Variants in TANGO2 observed in about 807,000 individuals in gnomAD.
TANGO2 encodes transport and golgi organization 2 homolog, also known as transport and Golgi organization protein 2 homolog.
In TANGO2, 26 loss-of-function variants were observed where a neutral mutation model predicts 39.1. That is an observed-to-expected ratio of 0.67 (90% confidence interval 0.49 to 0.92). TANGO2 has a LOEUF of 0.92. TANGO2 is among the 40% of genes least tolerant of loss of function. The pLI, the probability that TANGO2 is intolerant of heterozygous loss-of-function variation, is 0.00. For missense variants in TANGO2, 326 were observed against 360.1 expected (o/e 0.91, Z 0.77); for synonymous variants, 131 against 144.5 (o/e 0.91, Z 0.67).
At chr22:20,030,995 C>T (rs998282212) in intron 1 of TANGO2, among the ~76,000 whole-genome samples, 2 of 151,834 alleles carry the variant, frequency 1.3e-5, no homozygotes, top group African/African-American at 2.4e-5. Flanking sequence ...GTCAGGAGAT[C>T]GAGACCATCC....
chr22:20,042,468 A>C (rs1267350951), intron 2 of TANGO2, among the ~76,000 whole-genome samples: 1 of 152,194 alleles, frequency 6.6e-6, no homozygotes, highest in Non-Finnish European at 1.5e-5. Flanking sequence ...TTCCAAAAGA[A>C]ATATTTGTTT....
chr22:20,039,002 A>G (rs7288316), intron 2 of TANGO2, among the ~76,000 whole-genome samples: 50,065 of 151,078 alleles, frequency 0.33, 8,988 homozygotes, highest in East Asian at 0.65. Flanking sequence ...GTACAGTGGT[A>G]TGATCATAGC....
intron 6 of TANGO2, chr22:20,056,787 G>A (rs1184845454): frequency 4.4e-6 from 2 of 456,656 alleles, no homozygotes; most frequent in East Asian, 6.9e-5. Context: ...AGGGACCATA[G>A]CCTAGGTTCC....
intron 1 of TANGO2, among the ~76,000 whole-genome samples, chr22:20,032,726 G>A (rs1000298392): frequency 2.0e-4 from 31 of 152,176 alleles, no homozygotes; most frequent in African/African-American, 7.0e-4. Context: ...TGGCCAATTC[G>A]GGCAACCTTG....
rs770978875 is a variant in TANGO2, at chr22:20,036,730, G to A, written c.-39-30G>A. On this transcript the variant is annotated intron_variant, in intron 1 of 8. Coordinates refer to ENST00000327374, the MANE Select transcript of TANGO2 (RefSeq NM_152906.7). ...GGGCAGCCCTGAGTGTCTGCCATCC[G>A]CTCAACTCAGTGTTTTCCTTTTCCC... The A allele has an allele frequency of 1.1e-4, 170 of 1,594,772 alleles. 1 individual carries two copies. The highest frequency in any genetic ancestry group is 1.4e-4 in the Non-Finnish European group (166 of 1,162,946).
chr22:20,027,969 T>C (rs2041108732), intron 1 of TANGO2, among the ~76,000 whole-genome samples: 1 of 152,130 alleles, frequency 6.6e-6, no homozygotes, highest in African/African-American at 2.4e-5. Context: ...TGGCTAATTT[T>C]TGTATTTTTA....
intron 4 of TANGO2, 54 bp from the exon 5 acceptor site, chr22:20,053,383 G>A: frequency 7.6e-7 from 1 of 1,308,346 alleles, no homozygotes; most frequent in Non-Finnish European, 1.1e-6. Flanking sequence ...AGTGTTCCTG[G>A]GAGAAGAGCA....
At chr22:20,060,983 T>A (rs2048279748) in intron 6 of TANGO2, among the ~76,000 whole-genome samples, 1 of 152,202 alleles carries the variant, frequency 6.6e-6, no homozygotes, top group Non-Finnish European at 1.5e-5. Flanking sequence ...GTTCAGAGTC[T>A]GTGCAGAGCC....
At chr22:20,056,379 C>T (rs2047349767) in intron 6 of TANGO2, 1 of 503,020 alleles carries the variant, frequency 2.0e-6, no homozygotes, top group Non-Finnish European at 3.9e-6. Flanking sequence ...GGGTTCTTGC[C>T]TGGTCTGCTC....
intron 2 of TANGO2, among the ~76,000 whole-genome samples, chr22:20,042,802 G>T (rs2044224258): frequency 6.6e-6 from 1 of 152,090 alleles, no homozygotes; most frequent in Non-Finnish European, 1.5e-5. Context: ...ATATTTGTTT[G>T]ATTCATAATG....
chr22:20,053,240 GAGC>G (rs1018155689), intron 4 of TANGO2, 194 bp from the exon 5 acceptor site: 1 of 533,522 alleles, frequency 1.9e-6, no homozygotes, highest in Non-Finnish European at 3.4e-6. Flanking sequence ...TTAATAAAAT[GAGC>G]AGTTTTCAGT....
At chr22:20,045,654 C>G (rs1001805435) in intron 3 of TANGO2, among the ~76,000 whole-genome samples, 2 of 151,904 alleles carry the variant, frequency 1.3e-5, no homozygotes, top group Non-Finnish European at 2.9e-5. Flanking sequence ...CAGGCATGCA[C>G]CACCACACCA....
At chr22:20,040,638 C>A (rs534406050) in intron 2 of TANGO2, among the ~76,000 whole-genome samples, 19 of 152,298 alleles carry the variant, frequency 1.2e-4, no homozygotes, top group African/African-American at 4.6e-4. Flanking sequence ...TTCTCCTGCC[C>A]GCTGGCCAGG....
intron 2 of TANGO2, among the ~76,000 whole-genome samples, chr22:20,039,016 C>T (rs1384605207): frequency 1.3e-5 from 2 of 151,714 alleles, no homozygotes; most frequent in African/African-American, 2.4e-5. Context: ...TCATAGCTTA[C>T]TGCAGCCTCA....
At chr22:20,050,520 T>C (rs1294470054) in intron 3 of TANGO2, among the ~76,000 whole-genome samples, 3 of 150,824 alleles carry the variant, frequency 2.0e-5, no homozygotes, top group Non-Finnish European at 3.0e-5. Flanking sequence ...CCTGCCACCA[T>C]GCCCAGCTAA....
At chr22:20,050,551 A>G (rs1602205538) in intron 3 of TANGO2, among the ~76,000 whole-genome samples, 1 of 150,424 alleles carries the variant, frequency 6.6e-6, no homozygotes, top group South Asian at 2.1e-4. Context: ...TTTAGTAGAG[A>G]TGGGGTTTCA....
intron 3 of TANGO2, among the ~76,000 whole-genome samples, chr22:20,051,756 G>A (rs1280185091): frequency 2.0e-5 from 3 of 151,948 alleles, no homozygotes; most frequent in Admixed American, 2.0e-4. Context: ...GGGCTGAGGT[G>A]GGAGGATCGC....
At position 20,064,643 on chromosome 22, in the gene TANGO2, A is replaced by G. The variant is rs200073438; in HGVS notation, c.812A>G (p.Glu271Gly). Residue 271 changes from glutamate to glycine, a missense_variant, in exon 9 of 9, where the codon GAG (glutamate) becomes GGG (glycine). Transcript: ENST00000327374. ...DLSHWETRTY[E>G]FTLQS ...TCCCACTGGGAGACCAGAACCTATG[A>G]GTTCACACTGCAGAGCTAACCCCAC... 1 of 1,614,128 alleles carries G rather than the reference A, an allele frequency of 6.2e-7. No homozygotes were observed. The highest frequency in any genetic ancestry group is 2.2e-5 in the East Asian group (1 of 44,876).
intron 1 of TANGO2, among the ~76,000 whole-genome samples, chr22:20,035,013 G>C (rs1373352800): frequency 6.6e-6 from 1 of 152,240 alleles, no homozygotes; most frequent in African/African-American, 2.4e-5. Flanking sequence ...ATGGCCCCCT[G>C]TGGGCGCTTC....
Sources: allele counts gnomAD v4.1 joint callset (sites outside exome capture counted in the v4.1 genomes callset), GRCh38; gene constraint gnomAD v4.1.1; transcripts MANE v1.5; gene names NCBI Gene and HGNC (gene_info 2026-07-23, HGNC 2026-07-21).